TENM4: variants seen among roughly 807,000 people sequenced by gnomAD.
TENM4 encodes the protein teneurin transmembrane protein 4, also known as teneurin-4.
A neutral mutation model predicts 243.3 loss-of-function variants in TENM4; 82 were observed. The ratio of observed to expected loss-of-function variants is 0.34; its 90% CI spans 0.28 to 0.40. TENM4 has a LOEUF of 0.40. Among genes scored for constraint, TENM4 ranks in the 10% least tolerant of loss-of-function variants. The pLI, the probability that TENM4 is intolerant of heterozygous loss-of-function variation, is 1.00. For synonymous variants in TENM4, 1,412 were observed against 1,456.3 expected, an observed-to-expected ratio of 0.97 and a Z score of 0.69; for missense variants, 3,138 against 3,673.3, an observed-to-expected ratio of 0.85 and a Z score of 3.77.
In TENM4 at chr11:78,795,159, C is replaced by T. The variant is rs1033101810; in HGVS notation, c.2180-8076G>A. On this transcript the variant is annotated intron_variant, in intron 15 of 33. Coordinates refer to ENST00000278550, the MANE Select transcript of TENM4 (RefSeq NM_001098816.3). ...CCACCTCCTCCTTGAAACCCCCTCC[C>T]GGCAGCTGGAAGGAGTTTCACCTTC... Among the ~76,000 whole-genome samples the T allele has an allele frequency of 5.3e-5, 8 of 152,170 alleles. No individual in the cohort carries two copies. In the East Asian group the frequency reaches 1.2e-3, roughly 22 times the overall value.
At chr11:78,752,547 C>T (rs1856214243) in intron 19 of TENM4, among the ~76,000 whole-genome samples, 1 of 152,234 alleles carries the variant, frequency 6.6e-6, no homozygotes, top group African/African-American at 2.4e-5. Flanking sequence ...CAACCTGCTT[C>T]CTGGAGGCTG....
At chr11:79,225,241 C>T (rs566943973) in intron 2 of TENM4, among the ~76,000 whole-genome samples, 11 of 152,132 alleles carry the variant, frequency 7.2e-5, no homozygotes, top group African/African-American at 2.2e-4. Context: ...GAGGAAAGCA[C>T]GTCTGCAGTG....
At chr11:79,406,977 A>G (rs1182762329) in intron 1 of TENM4, among the ~76,000 whole-genome samples, 1 of 152,226 alleles carries the variant, frequency 6.6e-6, no homozygotes, top group Non-Finnish European at 1.5e-5. Context: ...GCCAGGCTCT[A>G]TGCTCTGTGC....
chr11:79,164,995 G>GTA (rs1862881472), intron 3 of TENM4, among the ~76,000 whole-genome samples: 2 of 142,378 alleles, frequency 1.4e-5, no homozygotes, highest in African/African-American at 5.2e-5. Flanking sequence ...GTGTGTGTGT[G>GTA]TATACATATA....
intron 10 of TENM4, among the ~76,000 whole-genome samples, chr11:78,856,723 G>A (rs560580639): frequency 1.3e-5 from 2 of 151,654 alleles, no homozygotes; most frequent in Admixed American, 6.6e-5. Flanking sequence ...GGGGGGTTGT[G>A]CTTAGGGCAG....
chr11:79,250,286 C>T (rs1008371149), intron 2 of TENM4, among the ~76,000 whole-genome samples: 16 of 152,204 alleles, frequency 1.1e-4, no homozygotes, highest in African/African-American at 3.1e-4. Flanking sequence ...CACGCCTGGC[C>T]GGCACTAATT....
At chr11:78,978,764 C>T (rs557592461) in intron 6 of TENM4, among the ~76,000 whole-genome samples, 31 of 152,304 alleles carry the variant, frequency 2.0e-4, no homozygotes, top group African/African-American at 7.0e-4. Flanking sequence ...AGAGTTCATA[C>T]TTTGGAGGTT....
chr11:79,359,002 C>T (rs1483372746), intron 1 of TENM4, among the ~76,000 whole-genome samples: 2 of 148,748 alleles, frequency 1.3e-5, no homozygotes, highest in Non-Finnish European at 3.0e-5. Context: ...CATGGTGGCT[C>T]ATGCCTGTAA....
At chr11:79,121,247 T>G (rs1861739933) in intron 4 of TENM4, among the ~76,000 whole-genome samples, 1 of 152,214 alleles carries the variant, frequency 6.6e-6, no homozygotes, top group South Asian at 2.1e-4. Context: ...ATTCTAGTTT[T>G]CTTGTTTACA....
chr11:79,370,287 CCTT>C (rs1215491668), intron 1 of TENM4, among the ~76,000 whole-genome samples: 2 of 152,300 alleles, frequency 1.3e-5, no homozygotes, highest in South Asian at 2.1e-4. Flanking sequence ...CAGGCTGTCA[CCTT>C]CTTCCTTTCC....
chr11:79,063,337 G>A (rs1472617937), intron 6 of TENM4, among the ~76,000 whole-genome samples: 2 of 152,196 alleles, frequency 1.3e-5, no homozygotes, highest in Non-Finnish European at 2.9e-5. Flanking sequence ...ATCCCGGGCA[G>A]GAATCACGAG....
At chr11:78,985,580 A>G (rs1342856005) in intron 6 of TENM4, among the ~76,000 whole-genome samples, 16 of 152,152 alleles carry the variant, frequency 1.1e-4, no homozygotes, top group Admixed American at 1.0e-3. Flanking sequence ...CTCATTCAAG[A>G]ATTGCCATAC....
chr11:78,691,210 G>C (rs1321760887), intron 28 of TENM4, among the ~76,000 whole-genome samples: 3 of 152,188 alleles, frequency 2.0e-5, no homozygotes, highest in Non-Finnish European at 4.4e-5. Context: ...CTTGAGGTCA[G>C]AACAGGTCTG....
intron 3 of TENM4, among the ~76,000 whole-genome samples, chr11:79,176,092 AAAAT>A (rs532054159): frequency 3.3e-5 from 5 of 152,168 alleles, no homozygotes; most frequent in Non-Finnish European, 5.9e-5. Flanking sequence ...ACCCTGCCTC[AAAAT>A]AAATAAATAA....
intron 1 of TENM4, among the ~76,000 whole-genome samples, chr11:79,334,485 G>A (rs1857115325): frequency 2.0e-5 from 3 of 152,174 alleles, no homozygotes; most frequent in Admixed American, 1.3e-4. Flanking sequence ...TTCTAACACA[G>A]GGTCCTGCAA....
Position 78,771,110 on chromosome 11 carries a change from G to C in TENM4, c.2421C>G (p.Asn807Lys). ...CATTCAGGTCTAAGGTACATCTGCC[G>C]TTGCCATTGCACAACCCAGGGCAAC... is the stretch of plus-strand genomic sequence containing the variant. ...KEGCPGLCNGNGRCTLDLNGW... is the reference protein window; with the variant it reads ...KEGCPGLCNGKGRCTLDLNGW... Residue 807 changes from asparagine (N) to lysine (K), a missense_variant, in exon 18 of 34, where the codon AAC (asparagine) becomes AAG (lysine). This residue lies in a region of TENM4 where 2,467 missense variants were observed against 3,059.1 expected (regional missense o/e 0.81). Transcript: ENST00000278550. The C allele has an allele frequency of 6.4e-7, 1 of 1,571,948 alleles. No homozygotes were observed. The highest frequency in any genetic ancestry group is 8.6e-7 in the Non-Finnish European group (1 of 1,158,440).
chr11:79,437,882 G>C (rs1859311444), intron 1 of TENM4, among the ~76,000 whole-genome samples: 1 of 152,182 alleles, frequency 6.6e-6, no homozygotes, highest in South Asian at 2.1e-4. Flanking sequence ...CGGGTTAAAG[G>C]CTCCTTCAGC....
At chr11:79,209,606 CT>C (rs1330670431) in intron 3 of TENM4, among the ~76,000 whole-genome samples, 2 of 152,210 alleles carry the variant, frequency 1.3e-5, no homozygotes, top group African/African-American at 2.4e-5. Context: ...CCTGAGTGCT[CT>C]GAGTAGAGAC....
chr11:79,176,906 C>T (rs766751995), intron 3 of TENM4, among the ~76,000 whole-genome samples: 2 of 152,056 alleles, frequency 1.3e-5, no homozygotes, highest in South Asian at 2.1e-4. Flanking sequence ...TGTAGGAGAC[C>T]GGTCAGGGTG....
Sources: allele counts gnomAD v4.1 joint callset (sites outside exome capture counted in the v4.1 genomes callset), GRCh38; gene constraint gnomAD v4.1.1; regional missense constraint gnomAD v4.1.1; transcripts MANE v1.5; gene names NCBI Gene and HGNC (gene_info 2026-07-23, HGNC 2026-07-21).